TRAPPC9: variants seen among roughly 807,000 people sequenced by gnomAD.
TRAPPC9 encodes IKK2 binding protein.
A neutral mutation model predicts 124.0 loss-of-function variants in TRAPPC9; 83 were observed. The observed-to-expected ratio is 0.67, with a 90% CI of 0.56 to 0.80. The LOEUF (loss-of-function observed/expected upper bound fraction) is 0.80, where lower values mean the gene tolerates loss of function less well. Ranked by LOEUF, TRAPPC9 falls within the 30% of genes least tolerant of loss-of-function variation. The probability of loss-of-function intolerance (pLI) is 0.00; values close to 1 mark genes in which losing one functional copy is unlikely to be tolerated. For missense variants in TRAPPC9, 1,302 were observed against 1,508.3 expected, an observed-to-expected ratio of 0.86 and a Z score of 2.27; for synonymous variants, 638 against 617.5, an observed-to-expected ratio of 1.03 and a Z score of -0.49.
intron 17 of TRAPPC9, among the ~76,000 whole-genome samples, chr8:140,160,444 C>A (rs1357842896): frequency 6.6e-6 from 1 of 152,192 alleles, no homozygotes; most frequent in South Asian, 2.1e-4. Flanking sequence ...GGCACATATA[C>A]ACCATGGAAT....
intron 17 of TRAPPC9, among the ~76,000 whole-genome samples, chr8:140,102,903 T>C (rs1232028579): frequency 6.6e-6 from 1 of 152,228 alleles, no homozygotes; most frequent in African/African-American, 2.4e-5. Flanking sequence ...ACCCCCCACA[T>C]GCCTGTGGCT....
At chr8:139,847,246 C>T (rs1827139640) in intron 21 of TRAPPC9, among the ~76,000 whole-genome samples, 1 of 152,204 alleles carries the variant, frequency 6.6e-6, no homozygotes, top group African/African-American at 2.4e-5. Flanking sequence ...ACAGCAAAAC[C>T]AATAGAGGTT....
intron 21 of TRAPPC9, among the ~76,000 whole-genome samples, chr8:139,871,773 A>C (rs1320425996): frequency 6.6e-6 from 1 of 152,232 alleles, no homozygotes; most frequent in Admixed American, 6.5e-5. Context: ...ATGGGTGAAT[A>C]TGTGGGTGAA....
intron 17 of TRAPPC9, among the ~76,000 whole-genome samples, chr8:140,145,350 C>T (rs1169908731): frequency 1.3e-5 from 2 of 151,730 alleles, no homozygotes; most frequent in Admixed American, 6.6e-5. Flanking sequence ...TGATGGCAGA[C>T]GTCCTTGTCT....
intron 17 of TRAPPC9, among the ~76,000 whole-genome samples, chr8:140,217,635 G>A (rs1217311078): frequency 3.3e-5 from 5 of 152,108 alleles, no homozygotes; most frequent in African/African-American, 9.7e-5. Flanking sequence ...CAAAATTCCC[G>A]GGGCCTGCCT....
chr8:140,074,859 C>A (rs1184707728), intron 17 of TRAPPC9, among the ~76,000 whole-genome samples: 1 of 152,160 alleles, frequency 6.6e-6, no homozygotes, highest in Admixed American at 6.5e-5. Flanking sequence ...GGGACCACAG[C>A]AAGTAGCTGG....
intron 19 of TRAPPC9, chr8:139,932,456 T>A (rs1833227077): frequency 2.2e-6 from 1 of 457,648 alleles, no homozygotes; most frequent in Non-Finnish European, 4.4e-6. Flanking sequence ...CTGACCTGAC[T>A]CCTGGGGTAG....
chr8:140,169,181 T>C (rs2061911090), intron 17 of TRAPPC9, among the ~76,000 whole-genome samples: 1 of 151,288 alleles, frequency 6.6e-6, no homozygotes. Context: ...ACAGTGAACA[T>C]AGATAATATT....
chr8:139,753,166 C>T (rs886982216), intron 21 of TRAPPC9, among the ~76,000 whole-genome samples: 1 of 149,806 alleles, frequency 6.7e-6, no homozygotes, highest in Non-Finnish European at 1.5e-5. Context: ...CATCCACCAT[C>T]CATCCATCCA....
chr8:140,397,962 G>A (rs1247129173), intron 6 of TRAPPC9, among the ~76,000 whole-genome samples: 3 of 152,186 alleles, frequency 2.0e-5, no homozygotes, highest in African/African-American at 7.2e-5. Context: ...GGGACCTGGT[G>A]GGAGATCACT....
intron 17 of TRAPPC9, among the ~76,000 whole-genome samples, chr8:140,115,594 A>AT (rs199562635): frequency 8.7e-5 from 13 of 148,970 alleles, no homozygotes; most frequent in Admixed American, 1.3e-4. Context: ...TGGTTGTATT[A>AT]TTTTTTTTTC....
chr8:140,005,123 C>T (rs1838662081), intron 18 of TRAPPC9, among the ~76,000 whole-genome samples: 1 of 152,230 alleles, frequency 6.6e-6, no homozygotes, highest in African/African-American at 2.4e-5. Flanking sequence ...ACCTCTGCCA[C>T]ACTGCTATGG....
intron 9 of TRAPPC9, among the ~76,000 whole-genome samples, chr8:140,319,409 C>G (rs1303519196): frequency 1.3e-5 from 2 of 151,978 alleles, no homozygotes; most frequent in African/African-American, 2.4e-5. Context: ...GATCTCCTAA[C>G]CTCCTGATCC....
At chr8:140,372,388 G>A (rs568199887) in intron 7 of TRAPPC9, among the ~76,000 whole-genome samples, 7 of 152,172 alleles carry the variant, frequency 4.6e-5, no homozygotes, top group African/African-American at 1.2e-4. Flanking sequence ...CCTCTCCTCC[G>A]CGCTCACTGC....
intron 17 of TRAPPC9, among the ~76,000 whole-genome samples, chr8:140,046,762 T>C (rs889214082): frequency 2.6e-5 from 4 of 152,228 alleles, no homozygotes; most frequent in Admixed American, 6.5e-5. Context: ...CCCCATATTT[T>C]ATAATTGCCC....
At chr8:140,359,493 A>G (rs2067868976) in intron 9 of TRAPPC9, among the ~76,000 whole-genome samples, 1 of 152,150 alleles carries the variant, frequency 6.6e-6, no homozygotes, top group Non-Finnish European at 1.5e-5. Flanking sequence ...AGGGGCAGAA[A>G]CACCGCGTGG....
chr8:139,828,640 G>A (rs1467474726), intron 21 of TRAPPC9, among the ~76,000 whole-genome samples: 1 of 152,134 alleles, frequency 6.6e-6, no homozygotes, highest in African/African-American at 2.4e-5. Context: ...TCTGACACTG[G>A]GCTGTAACAT....
At chr8:139,835,777 A>C (rs78819938) in intron 21 of TRAPPC9, among the ~76,000 whole-genome samples, 6,509 of 142,460 alleles carry the variant, frequency 0.046, 174 homozygotes, top group South Asian at 0.057. Flanking sequence ...AAAAACAAAA[A>C]AAAAAAAAGC....
intron 17 of TRAPPC9, among the ~76,000 whole-genome samples, chr8:140,111,049 T>A (rs947501790): frequency 6.8e-6 from 1 of 147,764 alleles, no homozygotes; most frequent in African/African-American, 2.5e-5. Context: ...CAGCTGCTGA[T>A]AGCCCCAGGC....
Sources: gnomAD v4.1 joint callset for allele counts (sites outside exome capture counted in the v4.1 genomes callset) on GRCh38, gnomAD v4.1.1 for gene constraint, MANE v1.5 for transcripts, NCBI Gene and HGNC (gene_info 2026-07-23, HGNC 2026-07-21) for gene names.